FXYD3: variants seen among roughly 807,000 people sequenced by gnomAD.
The protein encoded by FXYD3 is FXYD domain containing ion transport regulator 3.
A neutral mutation model predicts 19.2 loss-of-function variants in FXYD3; 13 were observed. That is an observed-to-expected ratio of 0.68 (90% CI 0.44 to 1.08). The LOEUF is 1.08. Ranked by LOEUF, FXYD3 falls within the 50% of genes least tolerant of loss-of-function variation. The pLI is 0.00. For synonymous variants in FXYD3, 48 were observed against 38.9 expected (o/e 1.23, Z -0.87); for missense variants, 101 against 109.4 (o/e 0.92, Z 0.34).
At chr19:35,119,634 C>A (rs1306784998) in intron 3 of FXYD3, 2 of 523,670 alleles carry the variant, frequency 3.8e-6, no homozygotes, top group Non-Finnish European at 6.7e-6. Flanking sequence ...CCCATTCTCT[C>A]GATCTCTTCT....
rs1200187016 is a variant in FXYD3, at chr19:35,121,416, C to A, written c.97+171C>A. On this transcript the variant is annotated intron_variant, in intron 5 of 8. Coordinates refer to ENST00000604404, the MANE Select transcript of FXYD3 (RefSeq NM_005971.4). ...AGTGGATTAAAGGAACTAGAGGCAG[C>A]AACCTGGCCTTTGGGAAGGTTCTAT... The A allele has an allele frequency of 1.2e-5, 18 of 1,542,766 alleles. No individual in the cohort carries two copies. In the East Asian group the frequency reaches 3.1e-4, roughly 26 times the overall value.
At position 35,122,781 on chromosome 19, in the gene FXYD3, G is replaced by A. The variant is rs768242727; in HGVS notation, c.114G>A (p.Gln38=). The A allele has an allele frequency of 7.4e-6, 12 of 1,613,582 alleles. No individual in the cohort carries two copies. The highest frequency in any genetic ancestry group is 1.0e-5 in the Non-Finnish European group (12 of 1,179,960). Residue 38 remains glutamine, a synonymous_variant, in exon 6 of 9, where the codon CAG becomes CAA. Transcript: ENST00000604404. ...TCCTCCTAGACTGGCACAGCCTCCA[G>A]GTTGGCGGGCTCATCTGCGCTGGGG... The part of the protein sequence containing the change: ...SPFYYDWHSL[Q]VGGLICAGVL...
Position 35,120,972 on chromosome 19 carries a change from C to T in FXYD3, c.41-106C>T, listed in dbSNP as rs114151263. ...CTGCTCAGTGACAGGACCCCTGTCC[C>T]GCAGGAGACCCTTTCCCAAGGCCCC... is the stretch of plus-strand genomic sequence containing the variant. On this transcript the variant is annotated intron_variant, in intron 3 of 8. Coordinates refer to ENST00000604404, the MANE Select transcript of FXYD3 (RefSeq NM_005971.4). The T allele has an allele frequency of 1.5e-5, 18 of 1,221,966 alleles. 1 individual carries two copies. The highest frequency in any genetic ancestry group is 4.7e-5 in the East Asian group (2 of 42,396). 75.7% of individuals were successfully genotyped at this position (1,221,966 alleles called of 1,614,324 possible).
At chr19:35,116,544 C>T in intron 2 of FXYD3, 185 bp downstream of exon 2, 1 of 985,430 alleles carries the variant, frequency 1.0e-6, no homozygotes, top group South Asian at 4.7e-5. Flanking sequence ...CCTTTCCCCA[C>T]CATTCTCCTC....
intron 2 of FXYD3, 39 bp from the exon 3 acceptor site, chr19:35,119,324 G>T: frequency 1.2e-6 from 2 of 1,610,956 alleles, no homozygotes; most frequent in Non-Finnish European, 1.7e-6. Context: ...CAGCCTCCCG[G>T]TGGCTCTGCT....
In FXYD3 at chr19:35,121,127, T is replaced by A. The variant is rs768658609; in HGVS notation, c.73+17T>A. On this transcript the variant is annotated intron_variant, in intron 4 of 8. Coordinates refer to ENST00000604404, the MANE Select transcript of FXYD3 (RefSeq NM_005971.4). ...ACCTAGAAGGTGAGTCAGACTGGAC[T>A]CTCACCCGTCACACCCCCAAATTCT... is the stretch of plus-strand genomic sequence containing the variant. 5 of 1,613,816 alleles carry A rather than the reference T, an allele frequency of 3.1e-6. No individual in the cohort carries two copies. The highest frequency in any genetic ancestry group is 4.2e-6 in the Non-Finnish European group (5 of 1,180,030).
chr19:35,120,693 G>A (rs570102627), intron 3 of FXYD3, among the ~76,000 whole-genome samples: 1 of 152,310 alleles, frequency 6.6e-6, no homozygotes, highest in East Asian at 1.9e-4. Flanking sequence ...GGGAGGATGG[G>A]CTTTGAGCAT....
chr19:35,123,039 C>T, intron 7 of FXYD3, 85 bp downstream of exon 7: 1 of 1,488,014 alleles, frequency 6.7e-7, no homozygotes, highest in Non-Finnish European at 8.9e-7. Flanking sequence ...CAGGAGAGGC[C>T]TCGGGGCTCT....
intron 2 of FXYD3, chr19:35,117,460 G>A (rs2064918013): frequency 2.4e-6 from 3 of 1,231,762 alleles, no homozygotes; most frequent in South Asian, 2.1e-5. Flanking sequence ...CTGCAATGTG[G>A]GCTAATAATA....
intron 2 of FXYD3, chr19:35,116,921 A>T (rs895055920): frequency 2.0e-6 from 2 of 984,794 alleles, no homozygotes; most frequent in African/African-American, 3.5e-5. Flanking sequence ...TGCTTGGGAG[A>T]TTTCAGGAGC....
intron 5 of FXYD3, 134 bp downstream of exon 5, chr19:35,121,379 A>G (rs2065040762): frequency 1.2e-6 from 2 of 1,604,534 alleles, no homozygotes; most frequent in Non-Finnish European, 1.7e-6. Flanking sequence ...GGGGTTACTG[A>G]ATATGCCACA....
Position 35,123,268 on chromosome 19 carries a change from T to TA in FXYD3, c.210-2dup. Reference sequence around the variant, plus strand: ...ACCAATCTCACCACTTTTGTCTCCTTAGTCACCATCCAGGGGAGACTCCAC... The same window carrying TA: ...ACCAATCTCACCACTTTTGTCTCCTTAAGTCACCATCCAGGGGAGACTCCAC... On this transcript the variant is annotated splice_region_variant and splice_polypyrimidine_tract_variant and intron_variant, in intron 7 of 8. Transcript: ENST00000604404. 6.3e-7 allele frequency: 1 copy of TA among 1,593,764 alleles called. No individual in the cohort carries two copies. Among genetic ancestry groups the TA allele is most frequent in the East Asian group, 2.2e-5 (1 of 44,718 alleles).
chr19:35,116,582 G>A, intron 2 of FXYD3: 1 of 985,386 alleles, frequency 1.0e-6, no homozygotes, highest in Non-Finnish European at 1.2e-6. Flanking sequence ...CAGCTGAGGT[G>A]AGGGCAGGAC....
chr19:35,118,627 C>A, intron 2 of FXYD3: 1 of 980,264 alleles, frequency 1.0e-6, no homozygotes, highest in Non-Finnish European at 1.2e-6. Context: ...GCTGGGGACC[C>A]CGGCTAGGCA....
At chr19:35,123,370 G>A (rs937089) in intron 8 of FXYD3, 62 bp downstream of exon 8, 468,577 of 1,527,942 alleles carry the variant, frequency 0.31, 36,539 homozygotes, top group South Asian at 0.41. Flanking sequence ...GTGTGTGTAT[G>A]TGTGTGTTTG....
chr19:35,119,340 C>T (rs933047292), intron 2 of FXYD3, 23 bp from the exon 3 acceptor site: 55 of 1,613,368 alleles, frequency 3.4e-5, no homozygotes, highest in Non-Finnish European at 4.4e-5. Context: ...CTGCTAAGGC[C>T]AGACCTCCCG....
intron 3 of FXYD3, 51 bp downstream of exon 3, chr19:35,119,467 G>A (rs1199546950): frequency 1.3e-6 from 2 of 1,514,608 alleles, no homozygotes; most frequent in Admixed American, 3.3e-5. Context: ...CTGGATGCGG[G>A]GATCCAACCT....
In FXYD3 at chr19:35,123,279, C is replaced by A; in HGVS notation, c.218C>A (p.Pro73Gln). ...CACTTTTGTCTCCTTAGTCACCATC[C>A]AGGGGAGACTCCACCTCTCATCACC... The part of the protein sequence containing the change: ...CKFGQKSGHH[P>Q]GETPPLITPG... The change falls in exon 8 of 9, where the codon CCA becomes CAA. Residue 73 changes from proline (P) to glutamine (Q), a missense_variant. Coordinates refer to ENST00000604404, the MANE Select transcript of FXYD3 (RefSeq NM_005971.4). 6.2e-7 allele frequency: 1 copy of A among 1,603,520 alleles called. No homozygotes were observed. Among genetic ancestry groups the A allele is most frequent in the Non-Finnish European group, 8.5e-7 (1 of 1,174,978 alleles).
At chr19:35,118,375 A>C (rs2064951595) in intron 2 of FXYD3, 1 of 434,818 alleles carries the variant, frequency 2.3e-6, no homozygotes. Context: ...AAAAAAAAAA[A>C]CAATTATGAT....
Sources: gnomAD v4.1 joint callset for allele counts (sites outside exome capture counted in the v4.1 genomes callset) on GRCh38, gnomAD v4.1.1 for gene constraint, MANE v1.5 for transcripts, NCBI Gene and HGNC (gene_info 2026-07-23, HGNC 2026-07-21) for gene names.